MECOM: variants seen among roughly 807,000 people sequenced by gnomAD.
The protein encoded by MECOM is histone-lysine N-methyltransferase MECOM.
In MECOM, 13 loss-of-function variants were observed where a neutral mutation model predicts 116.3. The ratio of observed to expected loss-of-function variants is 0.11; its 90% CI spans 0.07 to 0.18. The LOEUF (loss-of-function observed/expected upper bound fraction) is 0.18, where lower values mean the gene tolerates loss of function less well. MECOM is among the 10% of genes least tolerant of loss of function. The pLI is 1.00. For synonymous variants in MECOM, 528 were observed against 535.2 expected, an observed-to-expected ratio of 0.99 and a Z score of 0.19; for missense variants, 1,299 against 1,509.0, an observed-to-expected ratio of 0.86 and a Z score of 2.31.
intron 2 of MECOM, among the ~76,000 whole-genome samples, chr3:169,264,616 C>A (rs1413902719): frequency 6.6e-6 from 1 of 152,152 alleles, no homozygotes; most frequent in African/African-American, 2.4e-5. Flanking sequence ...AAAGCAGATA[C>A]AGAGAAGTTG....
intron 1 of MECOM, among the ~76,000 whole-genome samples, chr3:169,594,487 G>T (rs1766888721): frequency 6.6e-6 from 1 of 151,982 alleles, no homozygotes; most frequent in South Asian, 2.1e-4. Flanking sequence ...AATTCCAGGG[G>T]GCAGGGCCAG....
chr3:169,407,261 C>T (rs1736855015), intron 1 of MECOM, among the ~76,000 whole-genome samples: 1 of 152,138 alleles, frequency 6.6e-6, no homozygotes, highest in Non-Finnish European at 1.5e-5. Flanking sequence ...TCTTTCCTTT[C>T]CAAAAGAAGG....
At chr3:169,102,252 G>A (rs1308942078) in intron 10 of MECOM, 26 bp from the exon 11 acceptor site, 1 of 1,589,486 alleles carries the variant, frequency 6.3e-7, no homozygotes, top group East Asian at 2.3e-5. Context: ...ACAAGACCAT[G>A]AAGCGTTTGG....
At chr3:169,297,557 C>T (rs1715848531) in intron 2 of MECOM, among the ~76,000 whole-genome samples, 1 of 151,746 alleles carries the variant, frequency 6.6e-6, no homozygotes, top group Non-Finnish European at 1.5e-5. Context: ...AGCAACAGCA[C>T]TGAGGCAGGT....
At chr3:169,662,889 G>A (rs1229469857) in intron 1 of MECOM, among the ~76,000 whole-genome samples, 1 of 141,964 alleles carries the variant, frequency 7.0e-6, no homozygotes, top group African/African-American at 2.6e-5. Flanking sequence ...CATCCCCCGC[G>A]CCCCCCTCCT....
chr3:169,131,813 A>G (rs1399719595), intron 3 of MECOM: 9 of 756,946 alleles, frequency 1.2e-5, no homozygotes, highest in Non-Finnish European at 1.6e-5. Context: ...TGCGTCACAT[A>G]TATCCTGTGT....
intron 2 of MECOM, among the ~76,000 whole-genome samples, chr3:169,327,574 G>T (rs1722051478): frequency 1.4e-5 from 2 of 147,538 alleles, no homozygotes; most frequent in Non-Finnish European, 3.0e-5. Context: ...GGAGGCAGAG[G>T]TTGCAGTGAG....
chr3:169,614,128 T>C (rs1262560018), intron 1 of MECOM, among the ~76,000 whole-genome samples: 1 of 146,732 alleles, frequency 6.8e-6, no homozygotes, highest in Non-Finnish European at 1.5e-5. Flanking sequence ...TTTTTTTCTC[T>C]CTCTCTCTCT....
At position 169,093,062 on chromosome 3, in the gene MECOM, T is replaced by C. The variant is rs142042527; in HGVS notation, c.3060A>G (p.Thr1020=). 1 of 1,613,544 alleles carries C rather than the reference T, an allele frequency of 6.2e-7. No individual in the cohort carries two copies. The highest frequency in any genetic ancestry group is 1.3e-5 in the African/African-American group (1 of 74,882). Residue 1020 remains threonine (T), a synonymous_variant, in exon 14 of 17, where the codon ACA becomes ACG. Coordinates refer to ENST00000651503, the MANE Select transcript of MECOM (RefSeq NM_004991.4). The part of the protein sequence containing the change: ...TSSPHSELES[T]GAILDDKEDA... The stretch of plus-strand genomic sequence containing the variant: ...CTTCTTTGTCATCCAGAATCGCACC[T>C]GTACTTTCCAGTTCAGAATGAGGCG...
At chr3:169,432,134 T>C (rs1578082004) in intron 1 of MECOM, among the ~76,000 whole-genome samples, 1 of 152,042 alleles carries the variant, frequency 6.6e-6, no homozygotes, top group Non-Finnish European at 1.5e-5. Context: ...AAGTGATAGT[T>C]CCACTGTCAT....
intron 15 of MECOM, among the ~76,000 whole-genome samples, chr3:169,089,636 T>C (rs183047160): frequency 3.3e-5 from 5 of 152,134 alleles, no homozygotes; most frequent in African/African-American, 1.2e-4. Context: ...TTTATCTCAA[T>C]TATACTTAAC....
chr3:169,258,589 G>T (rs1356898461), intron 2 of MECOM, among the ~76,000 whole-genome samples: 1 of 152,108 alleles, frequency 6.6e-6, no homozygotes, highest in Non-Finnish European at 1.5e-5. Context: ...TGACCTCTGT[G>T]CTTCTGAGGT....
At chr3:169,208,678 G>T (rs950048222) in intron 2 of MECOM, among the ~76,000 whole-genome samples, 4 of 151,906 alleles carry the variant, frequency 2.6e-5, no homozygotes, top group Non-Finnish European at 4.4e-5. Flanking sequence ...ACAAACCACT[G>T]GTCAGGAAAT....
chr3:169,619,215 G>A (rs947288175), intron 1 of MECOM, among the ~76,000 whole-genome samples: 1 of 152,162 alleles, frequency 6.6e-6, no homozygotes, highest in Non-Finnish European at 1.5e-5. Context: ...CGGGTGCACC[G>A]GCCGCAGCGC....
intron 1 of MECOM, among the ~76,000 whole-genome samples, chr3:169,587,426 AACACAC>A (rs3980637): frequency 0.34 from 48,369 of 140,800 alleles, 8,292 homozygotes; most frequent in South Asian, 0.41. Context: ...CCCACACGCC[AACACAC>A]ACACACACAC....
chr3:169,364,339 C>T (rs1255924195), intron 2 of MECOM, among the ~76,000 whole-genome samples: 1 of 151,894 alleles, frequency 6.6e-6, no homozygotes, highest in African/African-American at 2.4e-5. Flanking sequence ...GATTTACTGC[C>T]TCATGTTTGG....
intron 2 of MECOM, among the ~76,000 whole-genome samples, chr3:169,252,756 A>C (rs1023763786): frequency 1.3e-5 from 2 of 152,208 alleles, no homozygotes; most frequent in African/African-American, 4.8e-5. Context: ...TTCAGGTGTC[A>C]TCAGTGGTTT....
chr3:169,162,076 A>T (rs1445085683), intron 2 of MECOM, among the ~76,000 whole-genome samples: 1 of 152,180 alleles, frequency 6.6e-6, no homozygotes, highest in Non-Finnish European at 1.5e-5. Flanking sequence ...AAGTTTTGGG[A>T]TAATTTGTGG....
intron 1 of MECOM, among the ~76,000 whole-genome samples, chr3:169,645,257 AC>A (rs1378793910): frequency 6.6e-6 from 1 of 151,994 alleles, no homozygotes; most frequent in Non-Finnish European, 1.5e-5. Flanking sequence ...CCACCCTAAA[AC>A]CTAATATCCT....
Sources: allele counts gnomAD v4.1 joint callset (sites outside exome capture counted in the v4.1 genomes callset), GRCh38; gene constraint gnomAD v4.1.1; transcripts MANE v1.5; gene names NCBI Gene and HGNC (gene_info 2026-07-23, HGNC 2026-07-21).